The following DNAH11 variants were observed in gnomAD, a reference collection of about 807,000 sequenced individuals.
The protein encoded by DNAH11 is axonemal beta dynein heavy chain 11.
In DNAH11, 442 loss-of-function variants were observed where a neutral mutation model predicts 526.0. That is an observed-to-expected ratio of 0.84 (90% CI 0.78 to 0.91). DNAH11 has a LOEUF of 0.91. Among genes scored for constraint, DNAH11 ranks in the 40% least tolerant of loss-of-function variants. The pLI is 0.00. For synonymous variants in DNAH11, 2,461 were observed against 1,935.9 expected (o/e 1.27, Z -7.12); for missense variants, 6,989 against 5,448.7 (o/e 1.28, Z -8.90).
At chr7:21,804,345 G>A (rs531959911) in intron 62 of DNAH11, among the ~76,000 whole-genome samples, 17 of 152,162 alleles carry the variant, frequency 1.1e-4, no homozygotes, top group East Asian at 5.8e-4. Context: ...TCTTGACCTC[G>A]TGATCCACCC....
At chr7:21,548,247 A>T (rs1212592292) in intron 2 of DNAH11, among the ~76,000 whole-genome samples, 1 of 152,046 alleles carries the variant, frequency 6.6e-6, no homozygotes, top group Non-Finnish European at 1.5e-5. Context: ...TTTTTCTGCT[A>T]GTGTCATGTC....
At chr7:21,635,646 A>C (rs1786827293) in intron 25 of DNAH11, among the ~76,000 whole-genome samples, 1 of 152,164 alleles carries the variant, frequency 6.6e-6, no homozygotes, top group Admixed American at 6.5e-5. Flanking sequence ...TAACAGTTGC[A>C]TATATTTATC....
chr7:21,545,296 A>AAAAT (rs1782766394), intron 2 of DNAH11, 147 bp downstream of exon 2: 1 of 692,644 alleles, frequency 1.4e-6, no homozygotes, highest in South Asian at 2.2e-5. Flanking sequence ...AAAAAAAAAA[A>AAAAT]GCTTGTAGAA....
intron 70 of DNAH11, among the ~76,000 whole-genome samples, chr7:21,865,123 AGTTGCCTTAAACCTCAATTATC>A (rs1316855466): frequency 5.3e-5 from 8 of 152,180 alleles, no homozygotes; most frequent in Admixed American, 6.5e-5. Flanking sequence ...AATAAGTGAC[AGTTGCCTTAAACCTCAATTATC>A]AATCCTCATT....
rs778814186 is a variant in DNAH11 at position 21,735,675 on chromosome 7, T to G, written c.7476T>G (p.Leu2492=). 1 of 1,609,490 alleles carries G rather than the reference T, an allele frequency of 6.2e-7. No homozygotes were observed. The part of the protein sequence containing the change: ...VLVHTTETAR[L]RYFMELLLEK... ...TTCACACAACAGAGACAGCTCGTCTTAGATATTTCATGGAGTTGTTGCTTG... is the reference window on the plus strand; with the variant it reads ...TTCACACAACAGAGACAGCTCGTCTGAGATATTTCATGGAGTTGTTGCTTG... Residue 2492 remains leucine, a synonymous_variant, in exon 46 of 82, where the codon CTT becomes CTG. Transcript: ENST00000409508.
At chr7:21,837,059 T>A (rs1194857879) in intron 65 of DNAH11, among the ~76,000 whole-genome samples, 2 of 150,566 alleles carry the variant, frequency 1.3e-5, no homozygotes, top group Non-Finnish European at 3.0e-5. Flanking sequence ...TTCACCCCAA[T>A]TAGAATGGAT....
At chr7:21,860,346 G>A (rs1212451898) in intron 68 of DNAH11, among the ~76,000 whole-genome samples, 4 of 151,990 alleles carry the variant, frequency 2.6e-5, no homozygotes, top group African/African-American at 9.7e-5. Flanking sequence ...CTTTTGGTGG[G>A]GGTGCACAAT....
At position 21,901,109 on chromosome 7, in the gene DNAH11, G is replaced by GACAAGAAAC. The variant is rs748080467; in HGVS notation, c.13407_13415dup (p.Gln4470_Thr4472dup). 42 of 1,613,890 alleles carry GACAAGAAAC rather than the reference G, an allele frequency of 2.6e-5. No homozygotes were observed. Among genetic ancestry groups the GACAAGAAAC allele is most frequent in the Admixed American group, 1.2e-4 (7 of 60,010 alleles). ...TTTGCAAAAGCCACCCCCGTGGACA[G>GACAAGAAAC]ACAAGAAACCAAACAGACCTACGAG... On this transcript the variant is annotated inframe_insertion, in exon 82 of 82. Transcript: ENST00000409508.
At chr7:21,663,897 G>A (rs991010284) in intron 30 of DNAH11, among the ~76,000 whole-genome samples, 1 of 151,662 alleles carries the variant, frequency 6.6e-6, no homozygotes, top group Non-Finnish European at 1.5e-5. Flanking sequence ...AAGAGATACA[G>A]GTGTCTCTTC....
chr7:21,659,140 A>T, intron 30 of DNAH11, 109 bp downstream of exon 30: 1 of 934,042 alleles, frequency 1.1e-6, no homozygotes, highest in Non-Finnish European at 1.6e-6. Flanking sequence ...TGTGCAAAAT[A>T]CTATGCTGGG....
At chr7:21,707,130 A>G (rs796413655) in intron 39 of DNAH11, among the ~76,000 whole-genome samples, 3 of 152,236 alleles carry the variant, frequency 2.0e-5, no homozygotes, top group African/African-American at 7.2e-5. Flanking sequence ...CCCCAAGTCA[A>G]GACAGTCTTT....
chr7:21,834,198 G>A (rs1219090317), intron 65 of DNAH11, among the ~76,000 whole-genome samples: 1 of 152,030 alleles, frequency 6.6e-6, no homozygotes, highest in Admixed American at 6.6e-5. Flanking sequence ...TCAATAACAG[G>A]AGAAACTTTG....
At chr7:21,864,693 T>G in intron 70 of DNAH11, 36 bp downstream of exon 70, 1 of 1,539,226 alleles carries the variant, frequency 6.5e-7, no homozygotes, top group Admixed American at 2.0e-5. Context: ...ATTCTGGATC[T>G]TATTTAAAAT....
chr7:21,736,560 T>A (rs1174221296), intron 46 of DNAH11, among the ~76,000 whole-genome samples: 2 of 152,230 alleles, frequency 1.3e-5, no homozygotes, highest in Admixed American at 1.3e-4. Context: ...TGGATATATG[T>A]TGTTTCCTTA....
At chr7:21,884,493 T>G (rs1784048543) in intron 76 of DNAH11, 83 bp downstream of exon 76, 2 of 1,370,126 alleles carry the variant, frequency 1.5e-6, no homozygotes, top group Admixed American at 5.0e-5. Context: ...AATTATACTA[T>G]GGGCAATTCT....
intron 42 of DNAH11, among the ~76,000 whole-genome samples, chr7:21,716,551 C>A (rs1023122968): frequency 6.6e-6 from 1 of 152,282 alleles, no homozygotes; most frequent in Non-Finnish European, 1.5e-5. Flanking sequence ...TTAGACTTTC[C>A]TTTCCCTGAG....
chr7:21,543,544 C>A lies in DNAH11; in HGVS notation c.299C>A (p.Ala100Asp), dbSNP rs1262177551. ...GAGTTTCTGGAAAGCACCAGCCCGGCTTGCCTTGTGTTTAGCTTCGCCGCC... is the reference window on the plus strand; with the variant it reads ...GAGTTTCTGGAAAGCACCAGCCCGGATTGCCTTGTGTTTAGCTTCGCCGCC... Reference protein sequence around the residue: ...LGEFLESTSPACLVFSFAASG... With the variant: ...LGEFLESTSPDCLVFSFAASG... The change falls in exon 1 of 82, where the codon GCT (alanine) becomes GAT (aspartate). Residue 100 changes from alanine (A) to aspartate (D), a missense_variant. Physicochemically the swap from Ala to Asp is moderately radical, Grantham distance 126. Coordinates refer to ENST00000409508, the MANE Select transcript of DNAH11 (RefSeq NM_001277115.2). 6.2e-7 allele frequency: 1 copy of A among 1,609,188 alleles called. No individual in the cohort carries two copies. Among genetic ancestry groups the A allele is most frequent in the East Asian group, 2.2e-5 (1 of 44,786 alleles).
chr7:21,827,502 T>G (rs939287404), intron 65 of DNAH11, among the ~76,000 whole-genome samples: 6 of 151,888 alleles, frequency 4.0e-5, no homozygotes, highest in African/African-American at 1.4e-4. Context: ...CCGGTTGTTT[T>G]GGAGTATATA....
chr7:21,602,011 C>T (rs7803642), intron 18 of DNAH11, among the ~76,000 whole-genome samples: 48,396 of 151,434 alleles, frequency 0.32, 8,612 homozygotes, highest in East Asian at 0.76. Flanking sequence ...TCAAGAAGTG[C>T]CCTAGTCTTG....
Sources: gnomAD v4.1 joint callset for allele counts (sites outside exome capture counted in the v4.1 genomes callset) on GRCh38, gnomAD v4.1.1 for gene constraint, MANE v1.5 for transcripts, NCBI Gene and HGNC (gene_info 2026-07-23, HGNC 2026-07-21) for gene names.